SMAP1: variants seen among roughly 807,000 people sequenced by gnomAD.
SMAP1 encodes stromal membrane-associated protein 1.
SMAP1 carries 24 observed loss-of-function variants against 58.5 expected under a neutral mutation model. The ratio of observed to expected loss-of-function variants is 0.41; its 90% CI spans 0.30 to 0.58. SMAP1 has a LOEUF of 0.58. Among genes scored for constraint, SMAP1 ranks in the 20% least tolerant of loss-of-function variants. The pLI is 0.29. For missense variants in SMAP1, 563 were observed against 566.3 expected, an observed-to-expected ratio of 0.99 and a Z score of 0.06; for synonymous variants, 216 against 196.6, an observed-to-expected ratio of 1.10 and a Z score of -0.82.
intron 1 of SMAP1, among the ~76,000 whole-genome samples, chr6:70,724,160 GTTGTTTTT>G (rs1425990116): frequency 6.7e-6 from 1 of 148,214 alleles, no homozygotes; most frequent in Non-Finnish European, 1.5e-5. Flanking sequence ...TGTTGTTGTT[GTTGTTTTT>G]TTGTTTTTTT....
chr6:70,693,298 C>CTTTTTT (rs55693339), intron 1 of SMAP1, among the ~76,000 whole-genome samples: 51 of 109,600 alleles, frequency 4.7e-4, no homozygotes, highest in South Asian at 1.6e-3. Context: ...ATGTCATCTT[C>CTTTTTT]TTTTTTTTTT....
At chr6:70,675,300 A>G (rs949075513) in intron 1 of SMAP1, among the ~76,000 whole-genome samples, 2 of 146,708 alleles carry the variant, frequency 1.4e-5, no homozygotes, top group Admixed American at 1.4e-4. Flanking sequence ...GGTAGGTAAT[A>G]TTATTACCCA....
At chr6:70,819,082 A>G (rs984918007) in intron 6 of SMAP1, among the ~76,000 whole-genome samples, 1 of 152,166 alleles carries the variant, frequency 6.6e-6, no homozygotes, top group Non-Finnish European at 1.5e-5. Flanking sequence ...CTGTAGATTT[A>G]CCTATTCTAG....
chr6:70,740,480 A>C (rs9283837), intron 2 of SMAP1, among the ~76,000 whole-genome samples: 890 of 19,776 alleles, frequency 0.045, 13 homozygotes, highest in East Asian at 0.4. Flanking sequence ...AAAAAAAAAC[A>C]AAAAAAAAAC....
At chr6:70,766,185 G>C (rs1367943260) in intron 3 of SMAP1, among the ~76,000 whole-genome samples, 1 of 152,068 alleles carries the variant, frequency 6.6e-6, no homozygotes, top group South Asian at 2.1e-4. Flanking sequence ...TTGCTATTGT[G>C]AATAGTGCCA....
intron 5 of SMAP1, among the ~76,000 whole-genome samples, chr6:70,795,836 C>T (rs1008851652): frequency 6.6e-6 from 1 of 151,724 alleles, no homozygotes; most frequent in Non-Finnish European, 1.5e-5. Context: ...CTCCTGGATT[C>T]AAGTGATTCT....
intron 4 of SMAP1, among the ~76,000 whole-genome samples, chr6:70,790,323 G>T (rs553286187): frequency 6.6e-6 from 1 of 152,142 alleles, no homozygotes; most frequent in South Asian, 2.1e-4. Flanking sequence ...TATATTTTTA[G>T]TAGAGACGGT....
At chr6:70,856,158 C>T (rs112326076) in intron 8 of SMAP1, among the ~76,000 whole-genome samples, 8 of 152,098 alleles carry the variant, frequency 5.3e-5, no homozygotes, top group African/African-American at 1.2e-4. Context: ...TTAGTGACTA[C>T]GGAGATGATT....
At chr6:70,750,126 T>C (rs1766214370) in intron 2 of SMAP1, among the ~76,000 whole-genome samples, 1 of 152,230 alleles carries the variant, frequency 6.6e-6, no homozygotes, top group East Asian at 1.9e-4. Context: ...TCCTACTCTT[T>C]ATCTTCACAT....
intron 2 of SMAP1, among the ~76,000 whole-genome samples, chr6:70,737,077 A>C (rs1211722566): frequency 6.6e-6 from 1 of 152,240 alleles, no homozygotes; most frequent in Non-Finnish European, 1.5e-5. Context: ...TTTCTGCTGA[A>C]ACAATCTGAT....
At chr6:70,794,577 G>T (rs940856167) in intron 5 of SMAP1, among the ~76,000 whole-genome samples, 2 of 151,980 alleles carry the variant, frequency 1.3e-5, no homozygotes, top group Admixed American at 1.3e-4. Context: ...GACAGGCACC[G>T]GTGTGTGATG....
intron 1 of SMAP1, among the ~76,000 whole-genome samples, chr6:70,671,190 T>A (rs1197251923): frequency 6.6e-6 from 1 of 152,178 alleles, no homozygotes; most frequent in Admixed American, 6.5e-5. Context: ...TTTTGTTTTT[T>A]TTTTTCACTT....
At chr6:70,783,618 G>A (rs1213221105) in intron 4 of SMAP1, among the ~76,000 whole-genome samples, 1 of 152,198 alleles carries the variant, frequency 6.6e-6, no homozygotes, top group Non-Finnish European at 1.5e-5. Flanking sequence ...GGAGCTGATG[G>A]AGCTGAAAGC....
At chr6:70,820,514 A>G (rs1365252540) in intron 6 of SMAP1, among the ~76,000 whole-genome samples, 1 of 152,102 alleles carries the variant, frequency 6.6e-6, no homozygotes, top group African/African-American at 2.4e-5. Context: ...GATCGAGACC[A>G]TCCTGGCTAA....
intron 1 of SMAP1, among the ~76,000 whole-genome samples, chr6:70,717,876 T>C (rs1041510742): frequency 6.6e-6 from 1 of 152,210 alleles, no homozygotes; most frequent in Non-Finnish European, 1.5e-5. Context: ...TACTTGATGA[T>C]GAGAAAATAA....
intron 1 of SMAP1, among the ~76,000 whole-genome samples, chr6:70,715,102 CCT>C (rs1491154572): frequency 2.7e-4 from 18 of 67,114 alleles, no homozygotes; most frequent in African/African-American, 1.1e-3. Context: ...TTTTTTTTTT[CCT>C]TTTTTTTTTT....
At chr6:70,858,271 G>C in intron 10 of SMAP1, 42 bp downstream of exon 10, 85 of 404,798 alleles carry the variant, frequency 2.1e-4, no homozygotes, top group Non-Finnish European at 3.2e-4. Context: ...AATCAAACCA[G>C]ATTTATTTTC....
chr6:70,859,546 G>GTAAGT (rs3842101), intron 10 of SMAP1: 2 of 593,716 alleles, frequency 3.4e-6, no homozygotes, highest in Non-Finnish European at 2.8e-6. Flanking sequence ...AACTCTGAGT[G>GTAAGT]TAAGTTTTAA....
intron 7 of SMAP1, chr6:70,837,710 T>C (rs1302598756): frequency 1.0e-5 from 9 of 875,370 alleles, no homozygotes; most frequent in Non-Finnish European, 1.3e-5. Context: ...AGAATTGGCT[T>C]GATGAAAGGT....
Sources: allele counts gnomAD v4.1 joint callset (sites outside exome capture counted in the v4.1 genomes callset), GRCh38; gene constraint gnomAD v4.1.1; transcripts MANE v1.5; gene names NCBI Gene and HGNC (gene_info 2026-07-23, HGNC 2026-07-21).